HIGD1C: variants seen among roughly 807,000 people sequenced by gnomAD.
HIGD1C encodes the protein HIG1 domain family member 1C.
HIGD1C carries 11 observed loss-of-function variants against 13.1 expected under a neutral mutation model. The ratio of observed to expected loss-of-function variants is 0.84; its 90% CI spans 0.53 to 1.39. HIGD1C has a LOEUF of 1.39. HIGD1C is among the 40% of genes most tolerant of loss of function. HIGD1C has a pLI of 0.00. For missense variants in HIGD1C, 110 were observed against 112.0 expected, an observed-to-expected ratio of 0.98 and a Z score of 0.08; for synonymous variants, 36 against 37.7, an observed-to-expected ratio of 0.95 and a Z score of 0.17.
the HIGD1C span, among the ~76,000 whole-genome samples, chr12:50,933,596 G>C: frequency 2.0e-5 from 3 of 152,238 alleles, no homozygotes; most frequent in Admixed American, 2.0e-4. Flanking sequence ...TGGTAGAAAT[G>C]GCTCTGACCT....
chr12:50,958,233 T>C (rs1414112373), intron 1 of HIGD1C, among the ~76,000 whole-genome samples: 1 of 152,036 alleles, frequency 6.6e-6, no homozygotes, highest in African/African-American at 2.4e-5. Context: ...GACAAACTTA[T>C]TCTAAATCTT....
the HIGD1C span, chr12:50,931,487 A>T: frequency 6.6e-6 from 1 of 151,264 alleles, no homozygotes; most frequent in Admixed American, 6.6e-5. Context: ...AGGCGGGTGG[A>T]TCACGAGGTA....
chr12:50,959,177 T>C (rs1939227620), intron 1 of HIGD1C, among the ~76,000 whole-genome samples: 2 of 152,000 alleles, frequency 1.3e-5, no homozygotes, highest in South Asian at 2.1e-4. Flanking sequence ...AAGAGTGCAA[T>C]GGTGCAATCT....
At chr12:50,936,056 G>A in the HIGD1C span, among the ~76,000 whole-genome samples, 3 of 151,986 alleles carry the variant, frequency 2.0e-5, no homozygotes, top group East Asian at 5.8e-4. Flanking sequence ...CTACTTGGGA[G>A]GCTGAGGCAG....
the HIGD1C span, chr12:50,931,780 G>A: frequency 1.3e-5 from 2 of 151,094 alleles, no homozygotes; most frequent in Non-Finnish European, 2.9e-5. Context: ...GCCTAGGCCG[G>A]TCTTGAACTC....
chr12:50,938,971 G>T, the HIGD1C span, among the ~76,000 whole-genome samples: 18 of 152,234 alleles, frequency 1.2e-4, no homozygotes, highest in East Asian at 3.5e-3. Context: ...AGCTTAGCAA[G>T]CAATTTTCCT....
At chr12:50,966,425 G>A (rs1939543029) in intron 2 of HIGD1C, among the ~76,000 whole-genome samples, 1 of 152,150 alleles carries the variant, frequency 6.6e-6, no homozygotes. Flanking sequence ...ATTCTTCTTT[G>A]TTGTGGAGGA....
chr12:50,957,722 T>G (rs1939152597), intron 1 of HIGD1C, among the ~76,000 whole-genome samples: 1 of 151,224 alleles, frequency 6.6e-6, no homozygotes, highest in South Asian at 2.1e-4. Context: ...CCATGTCTAC[T>G]AAAAATACAA....
chr12:50,941,876 T>C, the HIGD1C span, among the ~76,000 whole-genome samples: 1 of 152,104 alleles, frequency 6.6e-6, no homozygotes, highest in Non-Finnish European at 1.5e-5. Flanking sequence ...ACTCTCCTAT[T>C]CATGCTCCCT....
upstream of HIGD1C, chr12:50,953,849 A>C: frequency 1.8e-6 from 1 of 554,002 alleles, no homozygotes; most frequent in Non-Finnish European, 3.2e-6. Context: ...GTGTGAAGGA[A>C]AGACAATTGT....
At chr12:50,967,233 T>C (rs921246549) in intron 2 of HIGD1C, among the ~76,000 whole-genome samples, 4 of 152,106 alleles carry the variant, frequency 2.6e-5, no homozygotes, top group African/African-American at 4.8e-5. Flanking sequence ...CTCCTGCCTC[T>C]TCTGGGCTTA....
At chr12:50,971,357 T>C (rs1484600270), downstream of HIGD1C, among the ~76,000 whole-genome samples, 1 of 151,982 alleles carries the variant, frequency 6.6e-6, no homozygotes, top group Non-Finnish European at 1.5e-5. Flanking sequence ...CTCATTCTTA[T>C]ACAGAAACTT....
the HIGD1C span, among the ~76,000 whole-genome samples, chr12:50,948,134 A>T: frequency 6.6e-6 from 1 of 152,164 alleles, no homozygotes; most frequent in African/African-American, 2.4e-5. Flanking sequence ...CTAAAATTAT[A>T]ATTTCTATTT....
chr12:50,968,961 G>A (rs1202488883), intron 2 of HIGD1C, among the ~76,000 whole-genome samples: 3 of 152,118 alleles, frequency 2.0e-5, no homozygotes, highest in African/African-American at 7.2e-5. Flanking sequence ...TTACAGGCAT[G>A]AGCCCCCACC....
At chr12:50,954,583 G>A (rs1174674853) in intron 1 of HIGD1C, among the ~76,000 whole-genome samples, 3 of 151,950 alleles carry the variant, frequency 2.0e-5, no homozygotes, top group Non-Finnish European at 2.9e-5. Flanking sequence ...CTTCTAGGCC[G>A]GGCACGGTGG....
At chr12:50,964,913 A>C (rs1289272308) in intron 2 of HIGD1C, among the ~76,000 whole-genome samples, 1 of 152,154 alleles carries the variant, frequency 6.6e-6, no homozygotes, top group African/African-American at 2.4e-5. Context: ...CTTTTTGTAG[A>C]GGCAGAGTCT....
the HIGD1C span, among the ~76,000 whole-genome samples, chr12:50,938,729 C>T: frequency 6.6e-6 from 1 of 152,206 alleles, no homozygotes; most frequent in African/African-American, 2.4e-5. Flanking sequence ...AGTTTGAGAA[C>T]TAGTGCCTGG....
chr12:50,964,639 G>A (rs563665044), intron 2 of HIGD1C, among the ~76,000 whole-genome samples: 1 of 152,304 alleles, frequency 6.6e-6, no homozygotes, highest in East Asian at 1.9e-4. Context: ...TGTGGGCCCT[G>A]CCAGGTGAAA....
the HIGD1C span, among the ~76,000 whole-genome samples, chr12:50,945,694 T>TACC: frequency 6.6e-6 from 1 of 152,212 alleles, no homozygotes; most frequent in African/African-American, 2.4e-5. Flanking sequence ...CCCATCAAGC[T>TACC]ACCAATGACT....
Sources: gnomAD v4.1 joint callset for allele counts (sites outside exome capture counted in the v4.1 genomes callset) on GRCh38, gnomAD v4.1.1 for gene constraint, MANE v1.5 for transcripts, NCBI Gene and HGNC (gene_info 2026-07-23, HGNC 2026-07-21) for gene names.